Variants in DSTYK observed in about 807,000 individuals in gnomAD.
DSTYK encodes the protein RIP-homologous kinase.
A neutral mutation model predicts 98.7 loss-of-function variants in DSTYK; 34 were observed. The observed-to-expected ratio is 0.34, with a 90% CI of 0.26 to 0.46. The LOEUF is 0.46. DSTYK is among the 20% of genes least tolerant of loss of function. DSTYK has a pLI of 1.00. For synonymous variants in DSTYK, 462 were observed against 457.3 expected, an observed-to-expected ratio of 1.01 and a Z score of -0.13; for missense variants, 962 against 1,181.7, an observed-to-expected ratio of 0.81 and a Z score of 2.73.
In DSTYK at chr1:205,153,121, T is replaced by C. The variant is rs138263626; in HGVS notation, c.2353-2327A>G. On this transcript the variant is annotated intron_variant, in intron 10 of 12. Transcript: ENST00000367162. Reference sequence around the variant, plus strand: ...TTTCCTAAAGGTCGAAGAGAATAAGTATGTCTAATTTGGCTATTGATCAGC... The same window carrying C: ...TTTCCTAAAGGTCGAAGAGAATAAGCATGTCTAATTTGGCTATTGATCAGC... 9.3e-4 allele frequency among the ~76,000 whole-genome samples: 141 copies of C among 152,316 alleles called. 1 individual carries two copies. The highest frequency in any genetic ancestry group is 3.2e-3 in the African/African-American group (133 of 41,574).
At chr1:205,158,121 C>T (rs1260102434) in intron 9 of DSTYK, among the ~76,000 whole-genome samples, 5 of 152,190 alleles carry the variant, frequency 3.3e-5, no homozygotes, top group Non-Finnish European at 5.9e-5. Context: ...CTCCTGAATA[C>T]TGGAAAATGT....
chr1:205,166,305 C>CACTTTATAA (rs1657888415), intron 3 of DSTYK, among the ~76,000 whole-genome samples: 1 of 151,926 alleles, frequency 6.6e-6, no homozygotes, highest in African/African-American at 2.4e-5. Flanking sequence ...GTGTGAATAT[C>CACTTTATAA]ATGATACCTA....
rs1657369185 is a variant in DSTYK at position 205,150,445 on chromosome 1, AC to A, written c.2467+234del. Among the ~76,000 whole-genome samples the A allele has an allele frequency of 6.6e-6, 1 of 152,120 alleles. No homozygotes were observed. ...ATTGGCTGATTATGGCAGTTATGGCACTAATAACCGAGAGAGATGTCCAAAT... is the reference window on the plus strand; with the variant it reads ...ATTGGCTGATTATGGCAGTTATGGCATAATAACCGAGAGAGATGTCCAAAT... On this transcript the variant is annotated intron_variant, in intron 11 of 12. Coordinates refer to ENST00000367162, the MANE Select transcript of DSTYK (RefSeq NM_015375.3). This position sits in a 1 kb window ranked among gnomAD's most constrained non-coding sequence, Gnocchi z 4.1.
intron 2 of DSTYK, among the ~76,000 whole-genome samples, chr1:205,186,252 A>G (rs974409195): frequency 3.3e-5 from 5 of 152,200 alleles, no homozygotes; most frequent in Non-Finnish European, 7.3e-5. Context: ...AAACCCTCAC[A>G]TTATCCTGGA....
At chr1:205,205,246 T>A (rs1484638066) in intron 1 of DSTYK, among the ~76,000 whole-genome samples, 2 of 152,026 alleles carry the variant, frequency 1.3e-5, no homozygotes, top group Non-Finnish European at 2.9e-5. Flanking sequence ...AGCACTGCTG[T>A]CACTGTGCTC....
Position 205,198,834 on chromosome 1 carries a change from CTT to C in DSTYK, c.266-11030_266-11029del, listed in dbSNP as rs5780273. On this transcript the variant is annotated intron_variant, in intron 1 of 12. Coordinates refer to ENST00000367162, the MANE Select transcript of DSTYK (RefSeq NM_015375.3). Reference sequence around the variant, plus strand: ...GTCTGGCATAAATAAGGCACTAAAGCTTTTTTTTTTTTTTTTGAGATGGAGCC... The same window carrying C: ...GTCTGGCATAAATAAGGCACTAAAGCTTTTTTTTTTTTTTGAGATGGAGCC... Among the ~76,000 whole-genome samples the C allele has an allele frequency of 2.3e-3, 289 of 128,190 alleles. 1 individual carries two copies. The highest frequency in any genetic ancestry group is 7.8e-3 in the Middle Eastern group (2 of 256). 84.1% of individuals were successfully genotyped at this position (128,190 alleles called of 152,430 possible). A position where few individuals can be genotyped will look rare whatever the true frequency, so the allele number is the denominator to read the frequency against.
intron 11 of DSTYK, among the ~76,000 whole-genome samples, chr1:205,149,486 T>C (rs1657341743): frequency 6.6e-6 from 1 of 152,252 alleles, no homozygotes; most frequent in Non-Finnish European, 1.5e-5. Context: ...TGGAGTCATC[T>C]TTTAGTCATT....
At chr1:205,152,318 C>T (rs950652389) in intron 10 of DSTYK, among the ~76,000 whole-genome samples, 11 of 152,228 alleles carry the variant, frequency 7.2e-5, no homozygotes, top group African/African-American at 2.7e-4. Flanking sequence ...GCTGGGATTA[C>T]AGGCATGCGC....
chr1:205,158,743 C>T (rs1657629460), intron 9 of DSTYK, among the ~76,000 whole-genome samples: 1 of 152,104 alleles, frequency 6.6e-6, no homozygotes, highest in South Asian at 2.1e-4. Flanking sequence ...CAAATTCTAC[C>T]CATCATGGTA....
Position 205,169,105 on chromosome 1 carries a change from A to G in DSTYK, c.1324+58T>C. 2 of 1,403,240 alleles carry G rather than the reference A, an allele frequency of 1.4e-6. No individual in the cohort carries two copies. The highest frequency in any genetic ancestry group is 1.9e-6 in the Non-Finnish European group (2 of 1,028,696). 86.9% of individuals were successfully genotyped at this position (1,403,240 alleles called of 1,614,324 possible). On this transcript the variant is annotated intron_variant, in intron 3 of 12. Transcript: ENST00000367162. This position sits in a 1 kb window ranked among gnomAD's most constrained non-coding sequence, Gnocchi z 4.0. ...GAATTAACGTTCTTAATTTCCGGCT[A>G]GAAAATGGTTAGAGACTCCTCCCGT...
At chr1:205,157,098 CTCTT>C (rs1186509034) in intron 10 of DSTYK, among the ~76,000 whole-genome samples, 171 bp downstream of exon 10, 2 of 152,114 alleles carry the variant, frequency 1.3e-5, no homozygotes, top group Non-Finnish European at 2.9e-5. Context: ...TCAATTAAAC[CTCTT>C]TCTTTATAAA....
At chr1:205,181,984 A>C (rs889973703) in intron 2 of DSTYK, among the ~76,000 whole-genome samples, 2 of 152,132 alleles carry the variant, frequency 1.3e-5, no homozygotes, top group Non-Finnish European at 2.9e-5. Flanking sequence ...TTTTATGTAA[A>C]CTTGTCATTT....
At chr1:205,194,189 C>T (rs931228599) in intron 1 of DSTYK, among the ~76,000 whole-genome samples, 9 of 152,188 alleles carry the variant, frequency 5.9e-5, no homozygotes, top group East Asian at 3.8e-4. Flanking sequence ...TAAAGGCTCC[C>T]GTGTCACATA....
chr1:205,191,460 C>T (rs369866918), intron 1 of DSTYK, among the ~76,000 whole-genome samples: 1 of 152,136 alleles, frequency 6.6e-6, no homozygotes, highest in African/African-American at 2.4e-5. Context: ...GCAATCCACT[C>T]GATCTTTCTG....
At chr1:205,201,488 C>T (rs962052369) in intron 1 of DSTYK, among the ~76,000 whole-genome samples, 3 of 144,160 alleles carry the variant, frequency 2.1e-5, no homozygotes, top group Non-Finnish European at 4.6e-5. Flanking sequence ...TTTAGGGGCC[C>T]AGAGAGTAAA....
chr1:205,187,336 C>T (rs983893243), intron 2 of DSTYK, 82 bp downstream of exon 2: 9 of 1,452,356 alleles, frequency 6.2e-6, no homozygotes, highest in Non-Finnish European at 8.3e-6. Flanking sequence ...TATATATCAT[C>T]GAATTACTTT....
chr1:205,196,336 C>T (rs1384316686), intron 1 of DSTYK, among the ~76,000 whole-genome samples: 1 of 151,914 alleles, frequency 6.6e-6, no homozygotes, highest in Non-Finnish European at 1.5e-5. Context: ...GCAGGAGGAT[C>T]GCTTGAGCCT....
In DSTYK at chr1:205,169,214, T is replaced by C; in HGVS notation, c.1273A>G (p.Asn425Asp). 1 of 1,613,184 alleles carries C rather than the reference T, an allele frequency of 6.2e-7. No individual in the cohort carries two copies. The highest frequency in any genetic ancestry group is 8.5e-7 in the Non-Finnish European group (1 of 1,179,422). Residue 425 changes from asparagine to aspartate, a missense_variant, in exon 3 of 13, where the codon AAT becomes GAT. Physicochemically the swap from Asn to Asp is conservative, Grantham distance 23. Coordinates refer to ENST00000367162, the MANE Select transcript of DSTYK (RefSeq NM_015375.3). The surrounding 1 kb of genome is among the most constrained non-coding windows in gnomAD (Gnocchi z 4.0). ...EMKDMIVETL[N>D]TMKEELLDDA... ...TCCAGAAGTTCCTCCTTCATGGTAT[T>C]AAGTGTCTCAACAATCATATCCTTC...
Position 205,147,654 on chromosome 1 carries a change from G to A in DSTYK, c.2694C>T (p.Leu898=), listed in dbSNP as rs1366789188. The change falls in exon 13 of 13, where the codon CTC becomes CTT. Residue 898 remains leucine (L), a synonymous_variant. Coordinates refer to ENST00000367162, the MANE Select transcript of DSTYK (RefSeq NM_015375.3). ...GGAGCATGGGCTGGACAATGCCCAA[G>A]AGAGGCCTCTTCAAGGGGTCGCCAT... The part of the protein sequence containing the change: ...CWDGDPLKRP[L]LGIVQPMLQG... 1 of 1,614,186 alleles carries A rather than the reference G, an allele frequency of 6.2e-7. No homozygotes were observed. The highest frequency in any genetic ancestry group is 1.1e-5 in the South Asian group (1 of 91,090).
Sources: gnomAD v4.1 joint callset for allele counts (sites outside exome capture counted in the v4.1 genomes callset) on GRCh38, gnomAD v4.1.1 for gene constraint, Gnocchi (gnomAD v3.1) non-coding constraint, MANE v1.5 for transcripts, NCBI Gene and HGNC (gene_info 2026-07-23, HGNC 2026-07-21) for gene names.